The following UMODL1 variants were observed in gnomAD, a reference collection of about 807,000 sequenced individuals.
The protein encoded by UMODL1 is uromodulin-like 1.
Under a neutral mutation model 136.3 loss-of-function variants are expected in UMODL1, and 128 were observed. The observed-to-expected ratio is 0.94, with a 90% CI of 0.81 to 1.09. UMODL1 has a LOEUF of 1.09. Among genes scored for constraint, UMODL1 ranks in the 50% least tolerant of loss-of-function variants. UMODL1 has a pLI of 0.00. For missense variants in UMODL1, 1,766 were observed against 1,725.6 expected (o/e 1.02, Z -0.41); for synonymous variants, 721 against 720.0 (o/e 1.00, Z -0.02).
Position 42,088,467 on chromosome 21 carries a change from C to T in UMODL1, c.777C>T (p.Ser259=), listed in dbSNP as rs767533868. ...DIAKRVYEVI[S]VQVQDVNECF... ...CGAAGCGTGTCTATGAAGTGATCAGCGTCCAGGTGCAAGGTTGGGCTTCCC... is the reference window on the plus strand; with the variant it reads ...CGAAGCGTGTCTATGAAGTGATCAGTGTCCAGGTGCAAGGTTGGGCTTCCC... Residue 259 remains serine, a synonymous_variant, in exon 5 of 23, where the codon AGC becomes AGT. Transcript: ENST00000408910. 54 of 1,597,714 alleles carry T rather than the reference C, an allele frequency of 3.4e-5. No individual in the cohort carries two copies. The highest frequency in any genetic ancestry group is 9.4e-5 in the African/African-American group (7 of 74,672).
At chr21:42,098,848 A>G in intron 6 of UMODL1, 78 bp from the exon 7 acceptor site, 1 of 1,561,546 alleles carries the variant, frequency 6.4e-7, no homozygotes, top group Non-Finnish European at 8.7e-7. Context: ...AGTTGAGATG[A>G]GGCTCTGTTA....
chr21:42,098,113 C>G (rs779416981), intron 6 of UMODL1, among the ~76,000 whole-genome samples: 1 of 152,206 alleles, frequency 6.6e-6, no homozygotes, highest in Non-Finnish European at 1.5e-5. Flanking sequence ...GGCACAGAAA[C>G]CTTACACTGT....
intron 9 of UMODL1, among the ~76,000 whole-genome samples, chr21:42,105,795 C>T (rs895617387): frequency 3.9e-5 from 6 of 152,264 alleles, no homozygotes; most frequent in African/African-American, 7.2e-5. Flanking sequence ...ACTTCGCCTC[C>T]GGAACGGCGG....
At chr21:42,084,345 C>G (rs1488146369) in intron 3 of UMODL1, 100 bp downstream of exon 3, 18 of 1,351,502 alleles carry the variant, frequency 1.3e-5, no homozygotes, top group Non-Finnish European at 1.7e-5. Flanking sequence ...TTTCTAGGAG[C>G]AGTGACCGAT....
intron 1 of UMODL1, 124 bp downstream of exon 1, chr21:42,071,516 A>G (rs535758685): frequency 9.9e-7 from 1 of 1,007,442 alleles, no homozygotes; most frequent in South Asian, 2.9e-5. Flanking sequence ...GAGAGGCGAC[A>G]TCTGTTCTTT....
intron 9 of UMODL1, among the ~76,000 whole-genome samples, chr21:42,107,088 T>C (rs2066731376): frequency 6.6e-6 from 1 of 152,174 alleles, no homozygotes. Flanking sequence ...GGGCTCCTTT[T>C]TGAACCCCTC....
Position 42,137,625 on chromosome 21 carries a change from CGCAGGCTG to C in UMODL1, c.*6_*13del, listed in dbSNP as rs2067224516. 10 of 1,603,742 alleles carry C rather than the reference CGCAGGCTG, an allele frequency of 6.2e-6. No homozygotes were observed. The highest frequency in any genetic ancestry group is 2.3e-5 in the East Asian group (1 of 44,352). On this transcript the variant is annotated 3_prime_UTR_variant, in exon 22 of 23. Coordinates refer to ENST00000408910, the MANE Select transcript of UMODL1 (RefSeq NM_001004416.3). ...TACCAGGTGTTCTACGAATAGGAGGCGCAGGCTGACAGGAAGGTGGGTGCGGAGTGGGG... is the reference window on the plus strand; with the variant it reads ...TACCAGGTGTTCTACGAATAGGAGGCACAGGAAGGTGGGTGCGGAGTGGGG...
chr21:42,091,346 C>G (rs908081191), intron 6 of UMODL1, among the ~76,000 whole-genome samples: 2 of 152,170 alleles, frequency 1.3e-5, no homozygotes, highest in African/African-American at 4.8e-5. Context: ...AGCAGAAGAG[C>G]GGACTGGGTG....
At chr21:42,081,678 T>C (rs1271773417) in intron 2 of UMODL1, among the ~76,000 whole-genome samples, 2 of 152,194 alleles carry the variant, frequency 1.3e-5, no homozygotes, top group East Asian at 3.9e-4. Flanking sequence ...GTTGCAAAGA[T>C]AATGCAGAAA....
At chr21:42,097,408 A>C (rs1032790590) in intron 6 of UMODL1, among the ~76,000 whole-genome samples, 2 of 152,222 alleles carry the variant, frequency 1.3e-5, no homozygotes, top group African/African-American at 4.8e-5. Context: ...GGTTGGAAGG[A>C]GGAGACAGCA....
chr21:42,110,216 A>C (rs1259647928), intron 10 of UMODL1, among the ~76,000 whole-genome samples: 4 of 152,202 alleles, frequency 2.6e-5, no homozygotes, highest in Non-Finnish European at 5.9e-5. Flanking sequence ...GGTCGGGGAT[A>C]CCTGGGATGC....
At chr21:42,090,124 C>A (rs1322205764) in intron 5 of UMODL1, among the ~76,000 whole-genome samples, 174 bp from the exon 6 acceptor site, 1 of 152,208 alleles carries the variant, frequency 6.6e-6, no homozygotes, top group Non-Finnish European at 1.5e-5. Flanking sequence ...CCGCACAGGG[C>A]CTTCTAAGAC....
In UMODL1 at chr21:42,127,138, G is replaced by C. The variant is rs373998313; in HGVS notation, c.3426G>C (p.Gly1142=). Residue 1142 remains glycine (G), a synonymous_variant, in exon 19 of 23, where the codon GGG becomes GGC. Coordinates refer to ENST00000408910, the MANE Select transcript of UMODL1 (RefSeq NM_001004416.3). ...SASDDVRIEV[G]LYRQKSNLKV... ...GTGACGATGTCAGGATCGAAGTGGGGCTCTACAGGCAGAAAAGCAACCTCA... is the reference window on the plus strand; with the variant it reads ...GTGACGATGTCAGGATCGAAGTGGGCCTCTACAGGCAGAAAAGCAACCTCA... The C allele has an allele frequency of 1.5e-4, 240 of 1,614,058 alleles. No individual in the cohort carries two copies. The highest frequency in any genetic ancestry group is 2.0e-4 in the Non-Finnish European group (234 of 1,180,048).
At chr21:42,073,001 G>A (rs1463621879) in intron 1 of UMODL1, among the ~76,000 whole-genome samples, 2 of 137,822 alleles carry the variant, frequency 1.5e-5, no homozygotes, top group African/African-American at 5.2e-5. Context: ...GGTTCCACAG[G>A]AGATGAGTGT....
At position 42,139,170 on chromosome 21, in the gene UMODL1, A is replaced by T. The variant is rs142228049; in HGVS notation, c.*21+1529A>T. 2.1e-3 allele frequency among the ~76,000 whole-genome samples: 321 copies of T among 152,266 alleles called. 3 individuals are homozygous for T. Among genetic ancestry groups the T allele is most frequent in the African/African-American group, 6.0e-3 (250 of 41,546 alleles). ...AACCCTGCCTCAAAAATAAATAAATACTAATAAAAGAAGAAGAGAAGCAAT... is the reference window on the plus strand; with the variant it reads ...AACCCTGCCTCAAAAATAAATAAATTCTAATAAAAGAAGAAGAGAAGCAAT... On this transcript the variant is annotated intron_variant, in intron 22 of 22. Transcript: ENST00000408910.
chr21:42,102,010 C>CATTTATTTCCCCCA, intron 7 of UMODL1, 156 bp from the exon 8 acceptor site: 1 of 576,112 alleles, frequency 1.7e-6, no homozygotes, highest in Non-Finnish European at 3.1e-6. Context: ...TCGTTTCTTA[C>CATTTATTTCCCCCA]ATTTATTTCC....
Position 42,132,143 on chromosome 21 carries a change from C to T in UMODL1, c.3775+2346C>T, listed in dbSNP as rs116011842. Among the ~76,000 whole-genome samples the T allele has an allele frequency of 3.0e-3, 462 of 152,182 alleles. 3 individuals are homozygous for T. The highest frequency in any genetic ancestry group is 9.7e-3 in the African/African-American group (401 of 41,520). On this transcript the variant is annotated intron_variant, in intron 21 of 22. Coordinates refer to ENST00000408910, the MANE Select transcript of UMODL1 (RefSeq NM_001004416.3). Reference sequence around the variant, plus strand: ...CTCATCTTTCCATCTATCATTTTTCCGTCCATCCATCCATCTACCCATTCA... The same window carrying T: ...CTCATCTTTCCATCTATCATTTTTCTGTCCATCCATCCATCTACCCATTCA...
At chr21:42,107,537 A>G (rs1265179858) in intron 9 of UMODL1, among the ~76,000 whole-genome samples, 1 of 152,200 alleles carries the variant, frequency 6.6e-6, no homozygotes, top group Non-Finnish European at 1.5e-5. Context: ...AACCTACTGC[A>G]GGCTGCTTCC....
intron 12 of UMODL1, among the ~76,000 whole-genome samples, chr21:42,112,476 C>T (rs1474157926): frequency 6.6e-6 from 1 of 151,878 alleles, no homozygotes; most frequent in Non-Finnish European, 1.5e-5. Context: ...TGTATCTCCC[C>T]AGCTGCTCTG....
Sources: allele counts gnomAD v4.1 joint callset (sites outside exome capture counted in the v4.1 genomes callset), GRCh38; gene constraint gnomAD v4.1.1; transcripts MANE v1.5; gene names NCBI Gene and HGNC (gene_info 2026-07-23, HGNC 2026-07-21).